KCNJ6: variants seen among roughly 807,000 people sequenced by gnomAD.
KCNJ6 encodes G protein-activated inward rectifier potassium channel 2.
In KCNJ6, 9 loss-of-function variants were observed where a neutral mutation model predicts 34.2. The ratio of observed to expected loss-of-function variants is 0.26; its 90% CI spans 0.16 to 0.46. The LOEUF is 0.46. Among genes scored for constraint, KCNJ6 ranks in the 20% least tolerant of loss-of-function variants. KCNJ6 has a pLI of 1.00. For missense variants in KCNJ6, 236 were observed against 531.3 expected (o/e 0.44, Z 5.46); for synonymous variants, 196 against 207.1 (o/e 0.95, Z 0.46).
intron 3 of KCNJ6, among the ~76,000 whole-genome samples, chr21:37,705,267 G>T (rs77586329): frequency 1.3e-5 from 2 of 152,212 alleles, no homozygotes; most frequent in African/African-American, 4.8e-5. Context: ...ATAGACTGGG[G>T]AAGGGGCAGC....
chr21:37,840,082 A>G (rs1187717361), intron 2 of KCNJ6, among the ~76,000 whole-genome samples: 1 of 152,244 alleles, frequency 6.6e-6, no homozygotes, highest in Non-Finnish European at 1.5e-5. Flanking sequence ...TACAGGCATG[A>G]GCCACTGTGC....
chr21:37,655,178 TTTGTGTGTG>T (rs1183724471), intron 3 of KCNJ6, among the ~76,000 whole-genome samples: 158 of 78,130 alleles, frequency 2.0e-3, no homozygotes, highest in South Asian at 0.012. Context: ...ACTCTAGACA[TTTGTGTGTG>T]TGTGTGTGTG....
intron 1 of KCNJ6, among the ~76,000 whole-genome samples, chr21:37,881,427 C>T (rs1013235274): frequency 1.3e-5 from 2 of 151,954 alleles, no homozygotes; most frequent in African/African-American, 4.8e-5. Flanking sequence ...TATAGATGGG[C>T]AGACCTCTTG....
intron 2 of KCNJ6, among the ~76,000 whole-genome samples, chr21:37,806,326 T>G (rs2123536910): frequency 6.6e-6 from 1 of 152,352 alleles, no homozygotes; most frequent in East Asian, 1.9e-4. Flanking sequence ...GAGAGCCTAC[T>G]ATGAGTCAGG....
chr21:37,896,182 C>T (rs56198974), intron 1 of KCNJ6, among the ~76,000 whole-genome samples: 9,193 of 152,202 alleles, frequency 0.06, 320 homozygotes, highest in Non-Finnish European at 0.066. Flanking sequence ...AACCCGATCT[C>T]GTAAGAACTC....
At chr21:37,663,977 G>A (rs1339668685) in intron 3 of KCNJ6, among the ~76,000 whole-genome samples, 2 of 152,164 alleles carry the variant, frequency 1.3e-5, no homozygotes, top group East Asian at 3.8e-4. Flanking sequence ...TAGCAAGTAA[G>A]TCTTTATAAG....
At chr21:37,894,242 G>T (rs1217207322) in intron 1 of KCNJ6, among the ~76,000 whole-genome samples, 1 of 152,206 alleles carries the variant, frequency 6.6e-6, no homozygotes, top group Non-Finnish European at 1.5e-5. Context: ...AATCACCAGG[G>T]AGCTTGCTGG....
At chr21:37,663,106 TA>T (rs2054497533) in intron 3 of KCNJ6, among the ~76,000 whole-genome samples, 1 of 152,064 alleles carries the variant, frequency 6.6e-6, no homozygotes, top group African/African-American at 2.4e-5. Flanking sequence ...GAAATGGAAA[TA>T]AAAGTTCAAG....
At chr21:37,887,767 T>C (rs2055742872) in intron 1 of KCNJ6, among the ~76,000 whole-genome samples, 1 of 152,234 alleles carries the variant, frequency 6.6e-6, no homozygotes, top group African/African-American at 2.4e-5. Context: ...GCAAAGATCC[T>C]GAGGTTAGAA....
intron 2 of KCNJ6, among the ~76,000 whole-genome samples, chr21:37,730,787 C>T (rs765163428): frequency 1.9e-4 from 29 of 152,284 alleles, no homozygotes; most frequent in South Asian, 8.3e-4. Flanking sequence ...CAGAGGCCAA[C>T]GGTGGCTGGA....
At chr21:37,855,558 T>C (rs1399833681) in intron 1 of KCNJ6, among the ~76,000 whole-genome samples, 1 of 151,748 alleles carries the variant, frequency 6.6e-6, no homozygotes, top group African/African-American at 2.4e-5. Context: ...CAAAAAGAAT[T>C]AAGCAGAGCA....
intron 2 of KCNJ6, among the ~76,000 whole-genome samples, chr21:37,782,678 CA>C (rs773926088): frequency 2.0e-5 from 3 of 152,166 alleles, no homozygotes; most frequent in Non-Finnish European, 4.4e-5. Context: ...CTAACTTTAT[CA>C]AGGAAGAAGA....
intron 2 of KCNJ6, among the ~76,000 whole-genome samples, chr21:37,793,407 G>A (rs2123523841): frequency 6.6e-6 from 1 of 152,274 alleles, no homozygotes; most frequent in Admixed American, 6.5e-5. Flanking sequence ...GGCACAGGCA[G>A]ACACAACGGA....
chr21:37,880,499 AT>A (rs2055702209), intron 1 of KCNJ6, among the ~76,000 whole-genome samples: 1 of 152,232 alleles, frequency 6.6e-6, no homozygotes. Flanking sequence ...CCTCTGTAAG[AT>A]CCCCAAACAA....
intron 2 of KCNJ6, among the ~76,000 whole-genome samples, chr21:37,738,805 G>GT (rs2054925820): frequency 6.6e-6 from 1 of 152,212 alleles, no homozygotes; most frequent in South Asian, 2.1e-4. Context: ...TGAAAACACA[G>GT]TAAGATGGAT....
At chr21:37,779,209 C>G in intron 2 of KCNJ6, among the ~76,000 whole-genome samples, 1 of 152,088 alleles carries the variant, frequency 6.6e-6, no homozygotes, top group East Asian at 1.9e-4. Flanking sequence ...TTCATTTAAT[C>G]CTTGTAACTA....
chr21:37,787,930 C>A (rs1413605124), intron 2 of KCNJ6, among the ~76,000 whole-genome samples: 2 of 152,128 alleles, frequency 1.3e-5, no homozygotes, highest in Non-Finnish European at 2.9e-5. Flanking sequence ...GAACCTCTAC[C>A]CTTATCCCTG....
chr21:37,691,826 C>T (rs1387283087), intron 3 of KCNJ6, among the ~76,000 whole-genome samples: 1 of 152,124 alleles, frequency 6.6e-6, no homozygotes, highest in African/African-American at 2.4e-5. Context: ...GCAGGCAGGC[C>T]CCGCTAAGTT....
chr21:37,831,815 G>A (rs533139430), intron 2 of KCNJ6, among the ~76,000 whole-genome samples: 2 of 152,280 alleles, frequency 1.3e-5, no homozygotes, highest in East Asian at 1.9e-4. Context: ...TTGTCAGAAG[G>A]CGGTCTTGCG....
Sources: allele counts gnomAD v4.1 joint callset (sites outside exome capture counted in the v4.1 genomes callset), GRCh38; gene constraint gnomAD v4.1.1; transcripts MANE v1.5; gene names NCBI Gene and HGNC (gene_info 2026-07-23, HGNC 2026-07-21).